The following DMD variants were observed in gnomAD, a reference collection of about 807,000 sequenced individuals.
DMD encodes the protein mutant dystrophin.
A neutral mutation model predicts 330.1 loss-of-function variants in DMD; 63 were observed. The ratio of observed to expected loss-of-function variants is 0.19; its 90% confidence interval spans 0.16 to 0.24. The LOEUF (loss-of-function observed/expected upper bound fraction) is 0.24, where lower values mean the gene tolerates loss of function less well. Among genes scored for constraint, DMD ranks in the 10% least tolerant of loss-of-function variants. The pLI, the probability that DMD is intolerant of heterozygous loss-of-function variation, is 1.00. For synonymous variants in DMD, 1,223 were observed against 959.8 expected (o/e 1.27, Z -5.07); for missense variants, 3,344 against 2,684.1 (o/e 1.25, Z -5.43).
intron 2 of DMD, among the ~76,000 whole-genome samples, chrX:32,973,298 C>T (rs2092445525): frequency 8.9e-6 from 1 of 112,132 alleles, no homozygotes; most frequent in South Asian, 3.7e-4. Flanking sequence ...AAAACATGCC[C>T]TTTATGGCAC....
At chrX:32,595,304 G>C (rs773860828) in intron 13 of DMD, among the ~76,000 whole-genome samples, 1 of 111,288 alleles carries the variant, frequency 9.0e-6, no homozygotes, top group Non-Finnish European at 1.9e-5. Context: ...TGAGTTCTAC[G>C]GACTGTTTTT....
intron 7 of DMD, among the ~76,000 whole-genome samples, chrX:32,774,748 T>A (rs187618014): frequency 9.0e-6 from 1 of 111,252 alleles, no homozygotes; most frequent in Admixed American, 9.5e-5. Flanking sequence ...AGACAAAATT[T>A]GGGTGGGTAC....
At chrX:32,017,798 TAGAA>T (rs1432187157) in intron 44 of DMD, among the ~76,000 whole-genome samples, 1 of 111,945 alleles carries the variant, frequency 8.9e-6, no homozygotes, top group Non-Finnish European at 1.9e-5. Context: ...AAGGTAGAAG[TAGAA>T]AGAACATCCT....
At chrX:31,969,368 A>C (rs2095378969) in intron 44 of DMD, among the ~76,000 whole-genome samples, 1 of 111,993 alleles carries the variant, frequency 8.9e-6, no homozygotes, top group Non-Finnish European at 1.9e-5. Context: ...AGAATTTGTA[A>C]GGCCATTAAA....
At chrX:32,485,134 T>C in intron 20 of DMD, 35 bp from the exon 21 acceptor site, 1 of 1,174,094 alleles carries the variant, frequency 8.5e-7, no homozygotes, top group Non-Finnish European at 1.2e-6. Flanking sequence ...AGTAACACGT[T>C]TACTTTGCAT....
chrX:32,629,828 T>G (rs755851736), intron 11 of DMD, among the ~76,000 whole-genome samples: 1 of 110,683 alleles, frequency 9.0e-6, no homozygotes, highest in Non-Finnish European at 1.9e-5. Flanking sequence ...ACACTTTAAC[T>G]TCATCCCCCC....
chrX:33,072,340 C>T (rs1160598049), intron 1 of DMD, among the ~76,000 whole-genome samples: 2 of 111,651 alleles, frequency 1.8e-5, no homozygotes, highest in Non-Finnish European at 3.8e-5. Context: ...ATCATTTGAA[C>T]CTGGGAGATG....
chrX:31,284,877 C>T (rs764148961), intron 62 of DMD, among the ~76,000 whole-genome samples: 1 of 108,948 alleles, frequency 9.2e-6, no homozygotes, highest in South Asian at 4.0e-4. Context: ...CACCCACACA[C>T]GCAAAGTATG....
At chrX:32,538,206 C>T (rs750492514) in intron 17 of DMD, among the ~76,000 whole-genome samples, 1 of 112,554 alleles carries the variant, frequency 8.9e-6, no homozygotes, top group South Asian at 3.7e-4. Flanking sequence ...CTATGACCTG[C>T]ACCTTTACGT....
intron 52 of DMD, among the ~76,000 whole-genome samples, chrX:31,703,420 C>A (rs1018935899): frequency 1.8e-5 from 2 of 112,012 alleles, no homozygotes; most frequent in African/African-American, 6.5e-5. Flanking sequence ...TCTCTGCCTA[C>A]AATGCTCTCT....
At chrX:32,557,660 C>T (rs746956363) in intron 16 of DMD, among the ~76,000 whole-genome samples, 1 of 111,651 alleles carries the variant, frequency 9.0e-6, no homozygotes, top group Non-Finnish European at 1.9e-5. Context: ...ACTCCACAGG[C>T]ATGGTAGCAC....
intron 44 of DMD, among the ~76,000 whole-genome samples, chrX:32,085,696 A>ATATGTGTG (rs2096433541): frequency 1.9e-5 from 2 of 103,906 alleles, no homozygotes; most frequent in African/African-American, 7.4e-5. Context: ...ATATACGTAT[A>ATATGTGTG]TATACACACG....
At chrX:33,019,796 AC>A (rs768847291) in intron 2 of DMD, among the ~76,000 whole-genome samples, 66 of 111,570 alleles carry the variant, frequency 5.9e-4, no homozygotes, top group African/African-American at 1.9e-3. Context: ...GATAATTTTC[AC>A]AACAAAATTC....
intron 43 of DMD, among the ~76,000 whole-genome samples, chrX:32,270,068 T>C (rs2097359817): frequency 8.9e-6 from 1 of 112,356 alleles, no homozygotes; most frequent in Non-Finnish European, 1.9e-5. Flanking sequence ...CCAGATGGTC[T>C]TCTTCAAGGG....
chrX:32,733,069 T>C (rs1569497360), intron 7 of DMD, among the ~76,000 whole-genome samples: 1 of 107,778 alleles, frequency 9.3e-6, no homozygotes, highest in African/African-American at 3.5e-5. Flanking sequence ...TGGAGGAAGA[T>C]CTACCAAGCA....
chrX:32,333,368 A>C (rs962859158), intron 41 of DMD, among the ~76,000 whole-genome samples: 1 of 111,253 alleles, frequency 9.0e-6, no homozygotes, highest in Non-Finnish European at 1.9e-5. Flanking sequence ...TCAGTACACA[A>C]TTCTAGGTTC....
intron 11 of DMD, among the ~76,000 whole-genome samples, chrX:32,615,666 A>G (rs759769307): frequency 1.8e-5 from 2 of 111,659 alleles, no homozygotes; most frequent in South Asian, 7.3e-4. Flanking sequence ...TAATCATCAC[A>G]TTTAAACACA....
At chrX:32,523,588 T>C (rs1171798293) in intron 17 of DMD, among the ~76,000 whole-genome samples, 2 of 112,260 alleles carry the variant, frequency 1.8e-5, no homozygotes, top group African/African-American at 6.5e-5. Context: ...CATTCCCTTT[T>C]TGTCCAATCA....
At chrX:33,072,741 G>T (rs940344468) in intron 1 of DMD, among the ~76,000 whole-genome samples, 1 of 111,250 alleles carries the variant, frequency 9.0e-6, no homozygotes. Flanking sequence ...AGAATATGGG[G>T]AGATGATACC....
Sources: allele counts gnomAD v4.1 joint callset (sites outside exome capture counted in the v4.1 genomes callset), GRCh38; gene constraint gnomAD v4.1.1; transcripts MANE v1.5; gene names NCBI Gene and HGNC (gene_info 2026-07-23, HGNC 2026-07-21).